ROR1: variants seen among roughly 807,000 people sequenced by gnomAD.
The protein encoded by ROR1 is inactive tyrosine-protein kinase transmembrane receptor ROR1.
ROR1 carries 19 observed loss-of-function variants against 78.8 expected under a neutral mutation model. The ratio of observed to expected loss-of-function variants is 0.24; its 90% CI spans 0.17 to 0.35. The LOEUF (loss-of-function observed/expected upper bound fraction) is 0.35. Ranked by LOEUF, ROR1 falls within the 10% of genes least tolerant of loss-of-function variation. The probability of loss-of-function intolerance (pLI) is 1.00; values close to 1 mark genes in which losing one functional copy is unlikely to be tolerated. For synonymous variants in ROR1, 386 were observed against 433.6 expected, an observed-to-expected ratio of 0.89 and a Z score of 1.36; for missense variants, 917 against 1,177.8, an observed-to-expected ratio of 0.78 and a Z score of 3.24.
intron 1 of ROR1, among the ~76,000 whole-genome samples, chr1:63,879,826 A>G (rs930499482): frequency 6.6e-6 from 1 of 152,206 alleles, no homozygotes; most frequent in African/African-American, 2.4e-5. Context: ...AAACTCAATT[A>G]TCTTTGTAGA....
chr1:64,047,770 T>C (rs183620927), intron 2 of ROR1, among the ~76,000 whole-genome samples: 2 of 152,296 alleles, frequency 1.3e-5, no homozygotes, highest in African/African-American at 2.4e-5. Flanking sequence ...TGAGTATAGA[T>C]GTATATAGAT....
At chr1:64,121,040 T>C (rs573289073) in intron 4 of ROR1, among the ~76,000 whole-genome samples, 73 of 130,530 alleles carry the variant, frequency 5.6e-4, no homozygotes, top group African/African-American at 2.1e-3. Context: ...ATGGCCACAC[T>C]CCAGTCAGGG....
At chr1:64,043,520 C>T (rs188188814) in intron 2 of ROR1, among the ~76,000 whole-genome samples, 1 of 152,300 alleles carries the variant, frequency 6.6e-6, no homozygotes, top group Admixed American at 6.5e-5. Context: ...ATTTAAAAAG[C>T]TCATTCTCAA....
chr1:63,868,897 T>C (rs1416965869), intron 1 of ROR1, among the ~76,000 whole-genome samples: 6 of 152,238 alleles, frequency 3.9e-5, no homozygotes. Flanking sequence ...TAGGCACTTA[T>C]TTTGCATCAT....
At position 64,142,502 on chromosome 1, in the gene ROR1, C is replaced by T; in HGVS notation, c.1026C>T (p.Pro342=). The T allele has an allele frequency of 6.2e-7, 1 of 1,614,132 alleles. No individual in the cohort carries two copies. The highest frequency in any genetic ancestry group is 1.1e-5 in the South Asian group (1 of 91,074). The part of the protein sequence containing the change: ...RQCQPWNSQY[P]HTHTFTALRF... Reference sequence around the variant, plus strand: ...GCCAGCCATGGAATTCCCAGTATCCCCACACACACACTTTCACCGCCCTTC... The same window carrying T: ...GCCAGCCATGGAATTCCCAGTATCCTCACACACACACTTTCACCGCCCTTC... Residue 342 remains proline, a synonymous_variant, in exon 7 of 9, where the codon CCC becomes CCT. Transcript: ENST00000371079.
intron 7 of ROR1, among the ~76,000 whole-genome samples, chr1:64,149,920 A>T (rs184325893): frequency 1.3e-5 from 2 of 152,220 alleles, no homozygotes; most frequent in East Asian, 3.9e-4. Flanking sequence ...CTTTTGCAAC[A>T]ATCTGTCCAT....
chr1:64,048,864 G>A (rs4509606), intron 2 of ROR1, among the ~76,000 whole-genome samples: 1 of 152,124 alleles, frequency 6.6e-6, no homozygotes, highest in Admixed American at 6.5e-5. Flanking sequence ...GTTGCTTCAA[G>A]GTGGGGTGGG....
intron 4 of ROR1, among the ~76,000 whole-genome samples, chr1:64,133,179 G>A (rs1378747787): frequency 6.6e-6 from 1 of 152,136 alleles, no homozygotes; most frequent in Non-Finnish European, 1.5e-5. Flanking sequence ...GAACGAGGGG[G>A]TGGAGGGCAT....
intron 1 of ROR1, among the ~76,000 whole-genome samples, chr1:63,806,152 A>T (rs562460959): frequency 6.6e-6 from 1 of 152,248 alleles, no homozygotes; most frequent in East Asian, 1.9e-4. Flanking sequence ...TTAGTTCAGT[A>T]ACTCCTTAGT....
intron 8 of ROR1, among the ~76,000 whole-genome samples, chr1:64,169,620 A>G: frequency 6.6e-6 from 1 of 152,042 alleles, no homozygotes; most frequent in East Asian, 1.9e-4. Context: ...ACATTTTAAA[A>G]CCAATCATCC....
At chr1:64,063,577 T>G (rs960278569) in intron 4 of ROR1, among the ~76,000 whole-genome samples, 20 of 152,176 alleles carry the variant, frequency 1.3e-4, no homozygotes, top group African/African-American at 4.3e-4. Flanking sequence ...AAAAAATTAT[T>G]TTTAAAAATT....
At chr1:64,035,524 T>C (rs753737338) in intron 2 of ROR1, among the ~76,000 whole-genome samples, 40 of 150,480 alleles carry the variant, frequency 2.7e-4, no homozygotes, top group Non-Finnish European at 4.3e-4. Context: ...TGAGAGTTGA[T>C]TGGACCAGGG....
At chr1:64,125,672 A>G (rs1421654056) in intron 4 of ROR1, among the ~76,000 whole-genome samples, 1 of 152,130 alleles carries the variant, frequency 6.6e-6, no homozygotes, top group Non-Finnish European at 1.5e-5. Context: ...TAAAAGACTA[A>G]AGTTGCAGGG....
rs115540995 is a variant in ROR1, at chr1:63,905,420, A to T, written c.92-103885A>T. On this transcript the variant is annotated intron_variant, in intron 1 of 8. Transcript: ENST00000371079. ...ATTAACAAGTTTTAAAAATCAGGTG[A>T]TGGGATTATGAGTTTTAATTTTCTT... Among the ~76,000 whole-genome samples the T allele has an allele frequency of 5.0e-3, 767 of 152,288 alleles. 11 individuals carry two copies. The highest frequency in any genetic ancestry group is 0.018 in the African/African-American group (737 of 41,554).
intron 1 of ROR1, among the ~76,000 whole-genome samples, chr1:63,787,438 T>TTCC (rs371310039): frequency 1.6e-4 from 21 of 127,812 alleles, no homozygotes; most frequent in Non-Finnish European, 3.1e-4. Context: ...ATTGCCTTTC[T>TTCC]TTCCTTCCTT....
intron 1 of ROR1, among the ~76,000 whole-genome samples, chr1:63,821,011 A>G (rs990553167): frequency 1.3e-5 from 2 of 152,156 alleles, no homozygotes; most frequent in African/African-American, 4.8e-5. Context: ...TTAATGCTCT[A>G]TAAGGAGCCT....
At chr1:63,843,069 G>T (rs1190781440) in intron 1 of ROR1, 1 of 511,572 alleles carries the variant, frequency 2.0e-6, no homozygotes. Context: ...GGAGTGAAGG[G>T]ATTGCCCTCC....
At chr1:64,021,239 C>G (rs1469201995) in intron 2 of ROR1, among the ~76,000 whole-genome samples, 1 of 152,148 alleles carries the variant, frequency 6.6e-6, no homozygotes, top group African/African-American at 2.4e-5. Flanking sequence ...ATTTTTCTAT[C>G]CATGGTCTTT....
At chr1:63,928,575 A>T (rs1305876247) in intron 1 of ROR1, among the ~76,000 whole-genome samples, 1 of 152,194 alleles carries the variant, frequency 6.6e-6, no homozygotes, top group Admixed American at 6.5e-5. Context: ...TAATGTGGTG[A>T]TAAGACTTAG....
Sources: allele counts gnomAD v4.1 joint callset (sites outside exome capture counted in the v4.1 genomes callset), GRCh38; gene constraint gnomAD v4.1.1; transcripts MANE v1.5; gene names NCBI Gene and HGNC (gene_info 2026-07-23, HGNC 2026-07-21).